Variants in CAMK2N1 observed in about 807,000 individuals in gnomAD.
The protein encoded by CAMK2N1 is calcium/calmodulin-dependent protein kinase II inhibitor 1.
A neutral mutation model predicts 6.4 loss-of-function variants in CAMK2N1; 2 were observed. That is an observed-to-expected ratio of 0.31 (90% CI 0.13 to 0.98). The LOEUF (loss-of-function observed/expected upper bound fraction) is 0.98, where lower values mean the gene tolerates loss of function less well. CAMK2N1 is among the 50% of genes least tolerant of loss of function. The probability of loss-of-function intolerance (pLI) is 0.51; values close to 1 mark genes in which losing one functional copy is unlikely to be tolerated. For synonymous variants in CAMK2N1, 42 were observed against 47.5 expected, an observed-to-expected ratio of 0.88 and a Z score of 0.47; for missense variants, 77 against 107.3, an observed-to-expected ratio of 0.72 and a Z score of 1.25.
In CAMK2N1 at chr1:20,485,225, C is replaced by A; in HGVS notation, c.155G>T (p.Arg52Leu). The change falls in exon 1 of 2, where the codon CGG (arginine) becomes CTG (leucine). Residue 52 changes from arginine (R) to leucine (L), a missense_variant. Arg to Leu is a moderately radical substitution (Grantham distance 102). Coordinates refer to ENST00000375078, the MANE Select transcript of CAMK2N1 (RefSeq NM_018584.6). This position sits in a 1 kb window ranked among gnomAD's most constrained non-coding sequence, Gnocchi z 8.4. ...KRPPKLGQIG[R>L]SKRVVIEDDR... ...GGCCGCGAACTCACCCCGCTTGCTC[C>A]GGCCGATCTGGCCCAGCTTGGGCGG... 6.3e-7 allele frequency: 1 copy of A among 1,596,020 alleles called. No individual in the cohort carries two copies. Among genetic ancestry groups the A allele is most frequent in the African/African-American group, 1.3e-5 (1 of 74,612 alleles).
chr1:20,483,844 C>A (rs759622182), intron 1 of CAMK2N1, 125 bp from the exon 2 acceptor site: 17 of 797,220 alleles, frequency 2.1e-5, no homozygotes, highest in Non-Finnish European at 3.4e-5. Flanking sequence ...GGGCTCACTG[C>A]GCGGTGAAAC....
At position 20,482,642 on chromosome 1, in the gene CAMK2N1, T is replaced by A. The variant is rs1435846499; in HGVS notation, c.*1007A>T. 1 of 152,304 alleles carries A rather than the reference T, an allele frequency of 6.6e-6. No individual in the cohort carries two copies. The highest frequency in any genetic ancestry group is 6.6e-5 in the Admixed American group (1 of 15,254). 9.4% of individuals were successfully genotyped at this position (152,304 alleles called of 1,614,324 possible). ...TCCCTATAAATAACAGAAAAGACACTCCAAGCATTCCTGTACGTGGACTCA... is the reference window on the plus strand; with the variant it reads ...TCCCTATAAATAACAGAAAAGACACACCAAGCATTCCTGTACGTGGACTCA... On this transcript the variant is annotated 3_prime_UTR_variant, in exon 2 of 2. Coordinates refer to ENST00000375078, the MANE Select transcript of CAMK2N1 (RefSeq NM_018584.6).
rs71010558 is a variant in CAMK2N1 at position 20,482,856 on chromosome 1, C to CGTGTGTGTGTGTGTGTGT, written c.*775_*792dup. 7 of 146,388 alleles carry CGTGTGTGTGTGTGTGTGT rather than the reference C, an allele frequency of 4.8e-5. No individual in the cohort carries two copies. Among genetic ancestry groups the CGTGTGTGTGTGTGTGTGT allele is most frequent in the East Asian group, 2.0e-4 (1 of 4,956 alleles). The allele number at this position is 146,388 out of a possible 1,614,324, so 9.1% of individuals were successfully genotyped here. ...CTCAAGCATTTTTTTCTTTGTTTTT[C>CGTGTGTGTGTGTGTGTGT]GTGTGTGTGTGTGTGTGTGTGTGTG... On this transcript the variant is annotated 3_prime_UTR_variant, in exon 2 of 2. Coordinates refer to ENST00000375078, the MANE Select transcript of CAMK2N1 (RefSeq NM_018584.6).
Position 20,484,399 on chromosome 1 carries a change from T to TC in CAMK2N1, c.167-681dup, listed in dbSNP as rs1194857622. The TC allele has an allele frequency of 6.6e-6, 1 of 152,354 alleles. No homozygotes were observed. The highest frequency in any genetic ancestry group is 1.5e-5 in the Non-Finnish European group (1 of 68,166). The allele number at this position is 152,354 out of a possible 1,614,324, so 9.4% of individuals were successfully genotyped here. Reference sequence around the variant, plus strand: ...ACTTAGCCTCGCCTTTCTCAGTCCCTCCATCGTCCCTCGGCGCGACGGCCG... The same window carrying TC: ...ACTTAGCCTCGCCTTTCTCAGTCCCTCCCATCGTCCCTCGGCGCGACGGCCG... On this transcript the variant is annotated intron_variant, in intron 1 of 1. Coordinates refer to ENST00000375078, the MANE Select transcript of CAMK2N1 (RefSeq NM_018584.6). This position sits in a 1 kb window ranked among gnomAD's most constrained non-coding sequence, Gnocchi z 6.8.
chr1:20,485,894 A>C lies in CAMK2N1; in HGVS notation c.-515T>G. Reference sequence around the variant, plus strand: ...AGGGGAGGGAGAGAGGAGGGAGGGCACCGGGGAGGAAACCCGGAGGGAGGG... The same window carrying C: ...AGGGGAGGGAGAGAGGAGGGAGGGCCCCGGGGAGGAAACCCGGAGGGAGGG... On this transcript the variant is annotated 5_prime_UTR_variant, in exon 1 of 2. Transcript: ENST00000375078. This position sits in a 1 kb window ranked among gnomAD's most constrained non-coding sequence, Gnocchi z 8.4. 1 of 124,564 alleles carries C rather than the reference A, an allele frequency of 8.0e-6. No homozygotes were observed. The highest frequency in any genetic ancestry group is 2.6e-4 in the East Asian group (1 of 3,842). 7.7% of individuals were successfully genotyped at this position (124,564 alleles called of 1,614,324 possible). A position where few individuals can be genotyped will look rare whatever the true frequency, so the allele number is the denominator to read the frequency against.
rs983470776 is a variant in CAMK2N1, at chr1:20,484,171, G to A, written c.167-452C>T. On this transcript the variant is annotated intron_variant, in intron 1 of 1. Transcript: ENST00000375078. This position sits in a 1 kb window ranked among gnomAD's most constrained non-coding sequence, Gnocchi z 6.8. ...TGCGGAGATGAGCGGAACCAGGAGG[G>A]GACGCCAAAACCGGTTCCCACGACG... 1.3e-5 allele frequency among the ~76,000 whole-genome samples: 2 copies of A among 152,174 alleles called. No homozygotes were observed. Among genetic ancestry groups the A allele is most frequent in the Non-Finnish European group, 2.9e-5 (2 of 68,014 alleles).
At position 20,485,303 on chromosome 1, in the gene CAMK2N1, GAGA is replaced by G. The variant is rs2051502216; in HGVS notation, c.74_76del (p.Phe25del). The G allele has an allele frequency of 1.3e-6, 2 of 1,595,166 alleles. No homozygotes were observed. Among genetic ancestry groups the G allele is most frequent in the Non-Finnish European group, 1.7e-6 (2 of 1,173,656 alleles). On this transcript the variant is annotated inframe_deletion, in exon 1 of 2. Transcript: ENST00000375078. The surrounding 1 kb of genome is among the most constrained non-coding windows in gnomAD (Gnocchi z 8.4). Reference sequence around the variant, plus strand: ...GTTGTTGGTGTCCTGCAGGCGGCAGGAGAAGATCTGGCCCACGTCGCCGCCGTC... The same window carrying G: ...GTTGTTGGTGTCCTGCAGGCGGCAGGAGATCTGGCCCACGTCGCCGCCGTC...
rs913708626 is a variant in CAMK2N1 at position 20,482,814 on chromosome 1, G to C, written c.*835C>G. The C allele has an allele frequency of 2.6e-5, 4 of 152,028 alleles. No homozygotes were observed. The highest frequency in any genetic ancestry group is 5.9e-5 in the Non-Finnish European group (4 of 68,018). 9.4% of individuals were successfully genotyped at this position (152,028 alleles called of 1,614,324 possible). A position where few individuals can be genotyped will look rare whatever the true frequency, so the allele number is the denominator to read the frequency against. ...AGGCTGCTCACACAACAGACTGCAA[G>C]GGGAAGTTAGAAAAAGCTCAAGCAT... On this transcript the variant is annotated 3_prime_UTR_variant, in exon 2 of 2. Transcript: ENST00000375078.
At chr1:20,483,804 GA>G in intron 1 of CAMK2N1, 85 bp from the exon 2 acceptor site, 2 of 1,204,200 alleles carry the variant, frequency 1.7e-6, no homozygotes, top group Non-Finnish European at 2.5e-6. Context: ...CCCAGAGTGG[GA>G]GGTCGGGAGA....
In CAMK2N1 at chr1:20,482,980, T is replaced by C. The variant is rs1318446154; in HGVS notation, c.*669A>G. The C allele has an allele frequency of 6.6e-6, 1 of 152,286 alleles. No individual in the cohort carries two copies. The highest frequency in any genetic ancestry group is 1.5e-5 in the Non-Finnish European group (1 of 68,024). 9.4% of individuals were successfully genotyped at this position (152,286 alleles called of 1,614,324 possible). On this transcript the variant is annotated 3_prime_UTR_variant, in exon 2 of 2. Coordinates refer to ENST00000375078, the MANE Select transcript of CAMK2N1 (RefSeq NM_018584.6). ...GAAACACAAGCTTTACAACTCATTT[T>C]AAAATAAAATCTTTTCTATGTATCA...
In CAMK2N1 at chr1:20,485,457, G is replaced by GGGCCGGGGGCGGCC. The variant is rs948731157; in HGVS notation, c.-92_-79dup. On this transcript the variant is annotated 5_prime_UTR_variant, in exon 1 of 2. Transcript: ENST00000375078. This position sits in a 1 kb window ranked among gnomAD's most constrained non-coding sequence, Gnocchi z 8.4. ...GCGGCGGACAGGGTCAGCGGCGCTGGGGCCGGGGGCGGCCGGCCGGGGACG... is the reference window on the plus strand; with the variant it reads ...GCGGCGGACAGGGTCAGCGGCGCTGGGGCCGGGGGCGGCCGGCCGGGGGCGGCCGGCCGGGGACG... 2.9e-6 allele frequency: 3 copies of GGGCCGGGGGCGGCC among 1,049,770 alleles called. No homozygotes were observed. Among genetic ancestry groups the GGGCCGGGGGCGGCC allele is most frequent in the East Asian group, 6.0e-5 (1 of 16,736 alleles). 65.0% of individuals were successfully genotyped at this position (1,049,770 alleles called of 1,614,324 possible). A position where few individuals can be genotyped will look rare whatever the true frequency, so the allele number is the denominator to read the frequency against.
Position 20,486,208 on chromosome 1 carries a change from A to C in CAMK2N1, c.-829T>G, listed in dbSNP as rs2101106722. 6.7e-6 allele frequency: 1 copy of C among 149,504 alleles called. No homozygotes were observed. The highest frequency in any genetic ancestry group is 2.1e-4 in the East Asian group (1 of 4,742). The allele number at this position is 149,504 out of a possible 1,614,324, so 9.3% of individuals were successfully genotyped here. A position where few individuals can be genotyped will look rare whatever the true frequency, so the allele number is the denominator to read the frequency against. ...GAGGAGGCAGCGAGCTGCGAGGAGAAATGCCGGCCGCGGCGCCGAGGCGAG... is the reference window on the plus strand; with the variant it reads ...GAGGAGGCAGCGAGCTGCGAGGAGACATGCCGGCCGCGGCGCCGAGGCGAG... On this transcript the variant is annotated 5_prime_UTR_variant, in exon 1 of 2. It adds an upstream start codon to the 5' untranslated region. Transcript: ENST00000375078. The surrounding 1 kb of genome is among the most constrained non-coding windows in gnomAD (Gnocchi z 6.5).
rs371953080 is a variant in CAMK2N1 at position 20,483,677 on chromosome 1, A to C, written c.209T>G (p.Met70Arg). Residue 70 changes from methionine to arginine, a missense_variant, in exon 2 of 2, where the codon ATG becomes AGG. Physicochemically the swap from Met to Arg is moderately conservative, Grantham distance 91. Transcript: ENST00000375078. Reference sequence around the variant, plus strand: ...GACACCAGGAGGTGCCTTGTCGGTCATATTTTTCAGCACGTCATCAATCCT... The same window carrying C: ...GACACCAGGAGGTGCCTTGTCGGTCCTATTTTTCAGCACGTCATCAATCCT... ...DDRIDDVLKN[M>R]TDKAPPGV The C allele has an allele frequency of 2.5e-6, 4 of 1,614,032 alleles. No homozygotes were observed. In the African/African-American group the frequency reaches 4.0e-5, roughly 16 times the overall value.
chr1:20,485,466 GCGGCCGGCCGGGGA>G lies in CAMK2N1; in HGVS notation c.-101_-88del. 2.1e-6 allele frequency: 2 copies of G among 971,934 alleles called. No homozygotes were observed. Among genetic ancestry groups the G allele is most frequent in the Non-Finnish European group, 2.5e-6 (2 of 809,020 alleles). 60.2% of individuals were successfully genotyped at this position (971,934 alleles called of 1,614,324 possible). A position where few individuals can be genotyped will look rare whatever the true frequency, so the allele number is the denominator to read the frequency against. On this transcript the variant is annotated 5_prime_UTR_variant, in exon 1 of 2. Coordinates refer to ENST00000375078, the MANE Select transcript of CAMK2N1 (RefSeq NM_018584.6). This position sits in a 1 kb window ranked among gnomAD's most constrained non-coding sequence, Gnocchi z 8.4. ...AGGGTCAGCGGCGCTGGGGCCGGGG[GCGGCCGGCCGGGGA>G]CGGCCCGCGGGCTGCTGCGGCGGTG...
In CAMK2N1 at chr1:20,486,153, A is replaced by T. The variant is rs1442092642; in HGVS notation, c.-774T>A. On this transcript the variant is annotated 5_prime_UTR_variant, in exon 1 of 2. Transcript: ENST00000375078. The surrounding 1 kb of genome is among the most constrained non-coding windows in gnomAD (Gnocchi z 6.5). Reference sequence around the variant, plus strand: ...GGTCGGAGAGGGAAGGAAGGGAGAAAAACAGAGGGGGGAGAGGGAGGCAGG... The same window carrying T: ...GGTCGGAGAGGGAAGGAAGGGAGAATAACAGAGGGGGGAGAGGGAGGCAGG... 6.9e-6 allele frequency: 1 copy of T among 144,906 alleles called. No homozygotes were observed. The highest frequency in any genetic ancestry group is 2.5e-5 in the African/African-American group (1 of 39,382). The allele number at this position is 144,906 out of a possible 1,614,324, so 9.0% of individuals were successfully genotyped here. A position where few individuals can be genotyped will look rare whatever the true frequency, so the allele number is the denominator to read the frequency against.
Position 20,484,486 on chromosome 1 carries a change from C to A in CAMK2N1, c.166+728G>T, listed in dbSNP as rs936210460. 5.9e-5 allele frequency: 9 copies of A among 152,166 alleles called. No individual in the cohort carries two copies. Among genetic ancestry groups the A allele is most frequent in the African/African-American group, 1.9e-4 (8 of 41,424 alleles). 9.4% of individuals were successfully genotyped at this position (152,166 alleles called of 1,614,324 possible). A position where few individuals can be genotyped will look rare whatever the true frequency, so the allele number is the denominator to read the frequency against. ...GTGTCGGTCGCCCTTATTGTTTCGG[C>A]GGCTTCTGCGTCCTCCCCAAACGCG... On this transcript the variant is annotated intron_variant, in intron 1 of 1. Coordinates refer to ENST00000375078, the MANE Select transcript of CAMK2N1 (RefSeq NM_018584.6). The surrounding 1 kb of genome is among the most constrained non-coding windows in gnomAD (Gnocchi z 6.8).
In CAMK2N1 at chr1:20,483,620, T is replaced by C; in HGVS notation, c.*29A>G. The C allele has an allele frequency of 6.3e-7, 1 of 1,588,428 alleles. No homozygotes were observed. Among genetic ancestry groups the C allele is most frequent in the Non-Finnish European group, 8.6e-7 (1 of 1,157,146 alleles). ...ATAACTGTTACCGCCGTTCTTATTC[T>C]CTCCCTTAACTCATTGTCTTTGGGG... On this transcript the variant is annotated 3_prime_UTR_variant, in exon 2 of 2. Coordinates refer to ENST00000375078, the MANE Select transcript of CAMK2N1 (RefSeq NM_018584.6).
Position 20,483,809 on chromosome 1 carries a change from C to T in CAMK2N1, c.167-90G>A, listed in dbSNP as rs570582246. On this transcript the variant is annotated intron_variant, in intron 1 of 1. Transcript: ENST00000375078. ...TCCCGTTATGCCCAGAGTGGGAGGT[C>T]GGGAGAGGAGAGGGCGAGGGAGCAG... 2.7e-3 allele frequency: 3,199 copies of T among 1,202,270 alleles called. 24 individuals carry two copies. Among genetic ancestry groups the T allele is most frequent in the Non-Finnish European group, 2.2e-3 (1,746 of 807,412 alleles). The allele number at this position is 1,202,270 out of a possible 1,614,324, so 74.5% of individuals were successfully genotyped here. A position where few individuals can be genotyped will look rare whatever the true frequency, so the allele number is the denominator to read the frequency against.
chr1:20,486,115 G>T lies in CAMK2N1; in HGVS notation c.-736C>A. ...GAGAGGAGGAGGGAAAGGATCGGGA[G>T]GGAGAGGAAGAGGGTCGGAGAGGGA... On this transcript the variant is annotated 5_prime_UTR_variant, in exon 1 of 2. Coordinates refer to ENST00000375078, the MANE Select transcript of CAMK2N1 (RefSeq NM_018584.6). The surrounding 1 kb of genome is among the most constrained non-coding windows in gnomAD (Gnocchi z 6.5). 6.5e-6 allele frequency: 1 copy of T among 153,300 alleles called. No individual in the cohort carries two copies. 9.5% of individuals were successfully genotyped at this position (153,300 alleles called of 1,614,324 possible). A position where few individuals can be genotyped will look rare whatever the true frequency, so the allele number is the denominator to read the frequency against.
Sources: allele counts gnomAD v4.1 joint callset (sites outside exome capture counted in the v4.1 genomes callset), GRCh38; gene constraint gnomAD v4.1.1; non-coding constraint Gnocchi (gnomAD v3.1); transcripts MANE v1.5; gene names NCBI Gene and HGNC (gene_info 2026-07-23, HGNC 2026-07-21).